The following RANBP17 variants were observed in gnomAD, a reference collection of about 807,000 sequenced individuals.
RANBP17 encodes RAN binding protein 17.
RANBP17 carries 158 observed loss-of-function variants against 141.2 expected under a neutral mutation model. That is an observed-to-expected ratio of 1.12 (90% CI 0.98 to 1.28). The LOEUF (loss-of-function observed/expected upper bound fraction) is 1.28, where lower values mean the gene tolerates loss of function less well. RANBP17 is among the 50% of genes most tolerant of loss of function. The probability of loss-of-function intolerance (pLI) is 0.00; values close to 1 mark genes in which losing one functional copy is unlikely to be tolerated. For missense variants in RANBP17, 1,438 were observed against 1,290.7 expected (o/e 1.11, Z -1.75); for synonymous variants, 430 against 450.0 (o/e 0.96, Z 0.56).
At chr5:170,933,331 T>C (rs1315666481) in intron 12 of RANBP17, among the ~76,000 whole-genome samples, 1 of 152,188 alleles carries the variant, frequency 6.6e-6, no homozygotes, top group Admixed American at 6.5e-5. Flanking sequence ...ACTAGCGGTC[T>C]ATCAATTTTG....
intron 14 of RANBP17, among the ~76,000 whole-genome samples, chr5:171,109,539 A>G (rs1755072791): frequency 6.6e-6 from 1 of 152,196 alleles, no homozygotes; most frequent in South Asian, 2.1e-4. Flanking sequence ...ACCAAAATCC[A>G]TGGATGCTTT....
At chr5:171,218,020 G>A (rs1041550928) in intron 21 of RANBP17, among the ~76,000 whole-genome samples, 4 of 152,070 alleles carry the variant, frequency 2.6e-5, no homozygotes, top group African/African-American at 9.7e-5. Flanking sequence ...TTCTCTTGTG[G>A]GCATTTAGTG....
intron 14 of RANBP17, among the ~76,000 whole-genome samples, chr5:171,150,996 T>C (rs936411022): frequency 6.6e-6 from 1 of 152,208 alleles, no homozygotes; most frequent in Non-Finnish European, 1.5e-5. Context: ...CTAGTTGAGG[T>C]CTCTGTAAAA....
At chr5:171,026,341 TAC>T (rs1397863207) in intron 14 of RANBP17, among the ~76,000 whole-genome samples, 1 of 152,214 alleles carries the variant, frequency 6.6e-6, no homozygotes, top group African/African-American at 2.4e-5. Context: ...TTGCTCAGTG[TAC>T]ACAGTTAGTG....
intron 27 of RANBP17, among the ~76,000 whole-genome samples, chr5:171,298,121 G>A (rs957182372): frequency 2.0e-5 from 3 of 152,080 alleles, no homozygotes; most frequent in East Asian, 3.9e-4. Flanking sequence ...GCCTCACAAC[G>A]TGCTGGAATT....
intron 14 of RANBP17, among the ~76,000 whole-genome samples, chr5:171,028,466 A>G (rs761212039): frequency 2.0e-4 from 31 of 152,182 alleles, no homozygotes; most frequent in Non-Finnish European, 5.9e-5. Context: ...CACTGCTAGC[A>G]TAGCTGTAAT....
At chr5:171,193,513 A>G (rs145483041) in intron 18 of RANBP17, among the ~76,000 whole-genome samples, 3 of 152,358 alleles carry the variant, frequency 2.0e-5, no homozygotes, top group African/African-American at 4.8e-5. Flanking sequence ...TGCTGTAACA[A>G]ATTACCACAA....
intron 22 of RANBP17, among the ~76,000 whole-genome samples, chr5:171,237,766 ATC>A (rs1764629279): frequency 6.6e-6 from 1 of 152,130 alleles, no homozygotes; most frequent in African/African-American, 2.4e-5. Flanking sequence ...TGCAATGTAG[ATC>A]TCCCTCTTAG....
chr5:170,910,706 G>C, intron 6 of RANBP17: 1 of 373,882 alleles, frequency 2.7e-6, no homozygotes, highest in East Asian at 5.1e-5. Context: ...TTGGAAATAG[G>C]ATTGTTCTCC....
At chr5:171,062,199 A>G (rs1388979257) in intron 14 of RANBP17, among the ~76,000 whole-genome samples, 1 of 151,988 alleles carries the variant, frequency 6.6e-6, no homozygotes, top group South Asian at 2.1e-4. Context: ...TGATCCTGTC[A>G]TTATGATGTT....
chr5:171,234,829 A>T (rs771217039), intron 22 of RANBP17, among the ~76,000 whole-genome samples: 1 of 152,180 alleles, frequency 6.6e-6, no homozygotes, highest in Non-Finnish European at 1.5e-5. Flanking sequence ...GAATGCCAAT[A>T]TGGATTTTTG....
At chr5:170,907,281 A>G (rs1771139750) in intron 5 of RANBP17, among the ~76,000 whole-genome samples, 1 of 149,922 alleles carries the variant, frequency 6.7e-6, no homozygotes, top group Non-Finnish European at 1.5e-5. Context: ...AGGCATATAT[A>G]TGCAATAGAA....
chr5:171,074,344 A>G (rs1429207637), intron 14 of RANBP17, among the ~76,000 whole-genome samples: 1 of 152,234 alleles, frequency 6.6e-6, no homozygotes, highest in East Asian at 1.9e-4. Flanking sequence ...CTGAAAAGCT[A>G]TCAGATTGGA....
intron 12 of RANBP17, among the ~76,000 whole-genome samples, chr5:170,937,974 C>T: frequency 6.6e-6 from 1 of 152,120 alleles, no homozygotes; most frequent in East Asian, 1.9e-4. Flanking sequence ...CCTGGGCTTA[C>T]AGTAAGTACG....
rs144117759 is a variant in RANBP17 at position 170,891,796 on chromosome 5, T to C, written c.257-591T>C. 8.8e-3 allele frequency among the ~76,000 whole-genome samples: 1,340 copies of C among 152,276 alleles called. 6 individuals are homozygous for C. Among genetic ancestry groups the C allele is most frequent in the Non-Finnish European group, 0.015 (1,006 of 68,012 alleles). The stretch of plus-strand genomic sequence containing the variant: ...CTCCCAACAGGTCCCTCCTCCAACA[T>C]TGGGGACATGAGACTTGGTCAGGGA... On this transcript the variant is annotated intron_variant, in intron 3 of 27. Transcript: ENST00000523189.
intron 14 of RANBP17, among the ~76,000 whole-genome samples, chr5:171,099,815 G>T (rs1400023872): frequency 1.3e-5 from 2 of 152,060 alleles, no homozygotes; most frequent in East Asian, 3.9e-4. Flanking sequence ...AGCATGAAGG[G>T]GTGTTGAATT....
chr5:171,288,924 A>G (rs1768323398), intron 25 of RANBP17, among the ~76,000 whole-genome samples: 1 of 152,208 alleles, frequency 6.6e-6, no homozygotes, highest in Non-Finnish European at 1.5e-5. Context: ...TACACACAAA[A>G]ACAAGATCCT....
chr5:170,884,609 G>T (rs767497800), intron 3 of RANBP17, among the ~76,000 whole-genome samples: 1 of 151,650 alleles, frequency 6.6e-6, no homozygotes, highest in African/African-American at 2.4e-5. Flanking sequence ...AGGCAGAGGA[G>T]GCAGGAAAGG....
At chr5:171,209,617 A>G (rs948725178) in intron 20 of RANBP17, among the ~76,000 whole-genome samples, 2 of 152,348 alleles carry the variant, frequency 1.3e-5, no homozygotes, top group Non-Finnish European at 1.5e-5. Context: ...TCAGTGCGTT[A>G]TAACAGAGAT....
Sources: gnomAD v4.1 joint callset for allele counts (sites outside exome capture counted in the v4.1 genomes callset) on GRCh38, gnomAD v4.1.1 for gene constraint, MANE v1.5 for transcripts, NCBI Gene and HGNC (gene_info 2026-07-23, HGNC 2026-07-21) for gene names.